The following WFS1 variants were observed in gnomAD, a reference collection of about 807,000 sequenced individuals.
The protein encoded by WFS1 is wolframin ER transmembrane glycoprotein.
A neutral mutation model predicts 68.5 loss-of-function variants in WFS1; 90 were observed. The observed-to-expected ratio is 1.31, with a 90% confidence interval of 1.11 to 1.56. The LOEUF is 1.56. Ranked by LOEUF, WFS1 falls within the 40% of genes most tolerant of loss-of-function variation. The probability of loss-of-function intolerance (pLI) is 0.00; values close to 1 mark genes in which losing one functional copy is unlikely to be tolerated. For missense variants in WFS1, 1,767 were observed against 1,232.6 expected, an observed-to-expected ratio of 1.43 and a Z score of -6.49; for synonymous variants, 860 against 540.7, an observed-to-expected ratio of 1.59 and a Z score of -8.19.
At chr4:6,280,183 CTG>C (rs1730119251) in intron 2 of WFS1, among the ~76,000 whole-genome samples, 2 of 152,218 alleles carry the variant, frequency 1.3e-5, no homozygotes, top group Non-Finnish European at 2.9e-5. Flanking sequence ...AGAGGGGAAA[CTG>C]TGTCCTGTGT....
chr4:6,289,728 G>A (rs1416725131), intron 4 of WFS1, among the ~76,000 whole-genome samples: 2 of 152,258 alleles, frequency 1.3e-5, no homozygotes, highest in Non-Finnish European at 1.5e-5. Context: ...CCGTGGGGCA[G>A]TGTGCTTCCT....
At position 6,287,323 on chromosome 4, in the gene WFS1, A is replaced by G. The variant is rs908651982; in HGVS notation, c.315+148A>G. 1.4e-6 allele frequency: 1 copy of G among 721,792 alleles called. No individual in the cohort carries two copies. The allele number at this position is 721,792 out of a possible 1,614,324, so 44.7% of individuals were successfully genotyped here. On this transcript the variant is annotated intron_variant, in intron 3 of 7. Transcript: ENST00000226760. This position sits in a 1 kb window ranked among gnomAD's most constrained non-coding sequence, Gnocchi z 6.4. ...GTGCACCCTACCCCACTTGAGCCCCATGTTGGTAGGGTGCCCATGTTCACT... is the reference window on the plus strand; with the variant it reads ...GTGCACCCTACCCCACTTGAGCCCCGTGTTGGTAGGGTGCCCATGTTCACT...
chr4:6,271,450 C>G (rs375106839), intron 1 of WFS1, among the ~76,000 whole-genome samples: 12 of 152,208 alleles, frequency 7.9e-5, no homozygotes, highest in East Asian at 1.9e-4. Flanking sequence ...TCAGCTCAGT[C>G]TCAACCCCCA....
At chr4:6,285,609 C>G (rs534762013) in intron 2 of WFS1, among the ~76,000 whole-genome samples, 2 of 152,226 alleles carry the variant, frequency 1.3e-5, no homozygotes, top group African/African-American at 2.4e-5. Context: ...TCCCTCTGCC[C>G]TCTCCAAACT....
intron 7 of WFS1, 47 bp downstream of exon 7, chr4:6,295,236 C>G: frequency 6.2e-7 from 1 of 1,607,286 alleles, no homozygotes; most frequent in Middle Eastern, 2.2e-4. Context: ...CTCCCAAGGA[C>G]TCGCGCACCT....
rs1331237821 is a variant in WFS1, at chr4:6,301,146, G to T, written c.1351G>T (p.Ala451Ser). ...VTSYLSLSTH[A>S]EPYTRRALAT... ...CAGCTACCTGAGCCTGAGCACCCAT[G>T]CAGAGCCCTACACGCGCAGGGCCCT... Residue 451 changes from alanine to serine, a missense_variant, in exon 8 of 8, where the codon GCA (alanine) becomes TCA (serine). By Grantham distance (99) the Ala-to-Ser change is moderately conservative (BLOSUM62 1). Coordinates refer to ENST00000226760, the MANE Select transcript of WFS1 (RefSeq NM_006005.3). 1 of 1,613,066 alleles carries T rather than the reference G, an allele frequency of 6.2e-7. No individual in the cohort carries two copies.
chr4:6,280,433 C>G (rs1015812621), intron 2 of WFS1, among the ~76,000 whole-genome samples: 3 of 152,158 alleles, frequency 2.0e-5, no homozygotes, highest in Non-Finnish European at 4.4e-5. Context: ...CTGGGCTTGT[C>G]ACACCTGGTC....
chr4:6,300,818 C>G lies in WFS1; in HGVS notation c.1023C>G (p.Phe341Leu). 6.2e-7 allele frequency: 1 copy of G among 1,614,002 alleles called. No homozygotes were observed. The highest frequency in any genetic ancestry group is 8.5e-7 in the Non-Finnish European group (1 of 1,179,920). Residue 341 changes from phenylalanine to leucine, a missense_variant, in exon 8 of 8, where the codon TTC becomes TTG. Coordinates refer to ENST00000226760, the MANE Select transcript of WFS1 (RefSeq NM_006005.3). ...TCAGCAACCTCACCATCGACTTCTT[C>G]GCCTTCTTCATCCCGCTGGTCATCT... is the stretch of plus-strand genomic sequence containing the variant. ...FIVSNLTIDF[F>L]AFFIPLVIFY...
rs201127866 is a variant in WFS1 at position 6,302,116 on chromosome 4, A to T, written c.2321A>T (p.Lys774Met). The change falls in exon 8 of 8, where the codon AAG (lysine) becomes ATG (methionine). Residue 774 changes from lysine to methionine, a missense_variant. Transcript: ENST00000226760. Reference sequence around the variant, plus strand: ...CACATCAAGAAGTTCGACCGCTACAAGTTTGAGATTACCGTGGGCATGCCA... The same window carrying T: ...CACATCAAGAAGTTCGACCGCTACATGTTTGAGATTACCGTGGGCATGCCA... Reference protein sequence around the residue: ...PCHIKKFDRYKFEITVGMPFS... With the variant: ...PCHIKKFDRYMFEITVGMPFS... 3 of 1,612,792 alleles carry T rather than the reference A, an allele frequency of 1.9e-6. No homozygotes were observed. The highest frequency in any genetic ancestry group is 2.5e-6 in the Non-Finnish European group (3 of 1,180,010).
chr4:6,295,324 G>C (rs1329738646), intron 7 of WFS1, 135 bp downstream of exon 7: 5 of 1,034,116 alleles, frequency 4.8e-6, no homozygotes, highest in Non-Finnish European at 5.8e-6. Context: ...CGTGCCGCTG[G>C]TACCTTTGGG....
intron 7 of WFS1, among the ~76,000 whole-genome samples, chr4:6,299,527 G>T (rs1304840457): frequency 7.3e-6 from 1 of 137,422 alleles, no homozygotes; most frequent in African/African-American, 2.8e-5. Context: ...GTGTGAATGT[G>T]TATAGGGGTG....
At chr4:6,294,817 G>A (rs1730579690) in intron 6 of WFS1, 1 of 611,872 alleles carries the variant, frequency 1.6e-6, no homozygotes, top group South Asian at 1.9e-5. Context: ...CAGGGGCCGG[G>A]GGCCAGGAGT....
At chr4:6,278,095 G>C (rs955480180) in intron 2 of WFS1, among the ~76,000 whole-genome samples, 2 of 152,262 alleles carry the variant, frequency 1.3e-5, no homozygotes, top group African/African-American at 4.8e-5. Flanking sequence ...TTGGTGCTGA[G>C]TTTCCCCTCT....
At position 6,302,066 on chromosome 4, in the gene WFS1, T is replaced by G; in HGVS notation, c.2271T>G (p.Leu757=). 6.2e-7 allele frequency: 1 copy of G among 1,612,884 alleles called. No individual in the cohort carries two copies. Among genetic ancestry groups the G allele is most frequent in the Non-Finnish European group, 8.5e-7 (1 of 1,180,024 alleles). ...TSTAEEELCR[L]KLLAKHPCHI... is the part of the protein sequence containing the mutation. ...CGGCCGAGGAGGAGCTCTGTCGCCT[T>G]AAGCTGCTGGCCAAGCACCCCTGCC... Residue 757 remains leucine (L), a synonymous_variant, in exon 8 of 8, where the codon CTT becomes CTG. Transcript: ENST00000226760.
intron 4 of WFS1, 99 bp downstream of exon 4, chr4:6,289,230 G>A: frequency 2.1e-6 from 3 of 1,441,806 alleles, no homozygotes; most frequent in Non-Finnish European, 2.8e-6. Context: ...ACCTAACGCT[G>A]GTGATGCTGT....
In WFS1 at chr4:6,269,878, C is replaced by T. The variant is rs1021284460; in HGVS notation, c.-142C>T. The T allele has an allele frequency of 6.6e-6, 1 of 152,262 alleles. No homozygotes were observed. The highest frequency in any genetic ancestry group is 6.5e-5 in the Admixed American group (1 of 15,290). The allele number at this position is 152,262 out of a possible 1,614,324, so 9.4% of individuals were successfully genotyped here. On this transcript the variant is annotated 5_prime_UTR_variant, in exon 1 of 8. Transcript: ENST00000226760. ...CAGAAGGCCGCGCTAGCCGGCTCTT[C>T]AGCAGCGAGTGCAGATTGCTCCCCC... is the stretch of plus-strand genomic sequence containing the variant.
chr4:6,301,595 C>T lies in WFS1; in HGVS notation c.1800C>T (p.Thr600=), dbSNP rs71524362. 2.2e-3 allele frequency: 3,504 copies of T among 1,614,148 alleles called. 55 individuals are homozygous for T. The African/African-American group carries it at 0.036, about 17-fold the overall frequency. The part of the protein sequence containing the change: ...TSLELTKIAV[T]VAVCSVPLLL... ...TGGAGCTCACCAAGATCGCAGTCAC[C>T]GTGGCGGTCTGTAGTGTGCCCCTGC... is the stretch of plus-strand genomic sequence containing the variant. Residue 600 remains threonine, a synonymous_variant, in exon 8 of 8, where the codon ACC becomes ACT. Transcript: ENST00000226760.
At chr4:6,293,074 A>G (rs577407446) in intron 6 of WFS1, among the ~76,000 whole-genome samples, 1 of 152,180 alleles carries the variant, frequency 6.6e-6, no homozygotes, top group African/African-American at 2.4e-5. Context: ...AGGACCAGAG[A>G]GGCTGTGACA....
At chr4:6,271,733 A>AC (rs1560398404) in intron 1 of WFS1, among the ~76,000 whole-genome samples, 1 of 150,472 alleles carries the variant, frequency 6.6e-6, no homozygotes, top group Admixed American at 6.6e-5. Context: ...TCCCTGGACG[A>AC]CCCCCAGGCT....
Sources: gnomAD v4.1 joint callset for allele counts (sites outside exome capture counted in the v4.1 genomes callset) on GRCh38, gnomAD v4.1.1 for gene constraint, Gnocchi (gnomAD v3.1) non-coding constraint, MANE v1.5 for transcripts, NCBI Gene and HGNC (gene_info 2026-07-23, HGNC 2026-07-21) for gene names.